Variants in RIMS1 observed in about 807,000 individuals in gnomAD.
RIMS1 encodes regulating synaptic membrane exocytosis 1, also known as regulating synaptic membrane exocytosis protein 1.
A neutral mutation model predicts 214.1 loss-of-function variants in RIMS1; 83 were observed. That is an observed-to-expected ratio of 0.39 (90% CI 0.32 to 0.47). RIMS1 has a LOEUF of 0.47. RIMS1 is among the 20% of genes least tolerant of loss of function. RIMS1 has a pLI of 0.99. For missense variants in RIMS1, 2,050 were observed against 2,161.8 expected, an observed-to-expected ratio of 0.95 and a Z score of 1.03; for synonymous variants, 793 against 786.8, an observed-to-expected ratio of 1.01 and a Z score of -0.13.
rs150497721 is a variant in RIMS1, at chr6:72,311,213, T to C, written c.3964-2293T>C. ...TGGGCAAGGTATCATCCCAATACATTTGGAGACAATAATTACATAGCATCT... is the reference window on the plus strand; with the variant it reads ...TGGGCAAGGTATCATCCCAATACATCTGGAGACAATAATTACATAGCATCT... On this transcript the variant is annotated intron_variant, in intron 27 of 33. Transcript: ENST00000521978. 1.1e-3 allele frequency among the ~76,000 whole-genome samples: 169 copies of C among 152,274 alleles called. 1 individual carries two copies. Among genetic ancestry groups the C allele is most frequent in the African/African-American group, 3.7e-3 (154 of 41,554 alleles).
At chr6:72,200,642 G>A (rs956314633) in intron 6 of RIMS1, among the ~76,000 whole-genome samples, 7 of 152,136 alleles carry the variant, frequency 4.6e-5, no homozygotes, top group Admixed American at 3.3e-4. Context: ...AAACAGAAGA[G>A]AGACTACTGT....
In RIMS1 at chr6:72,314,735, T is replaced by C. The variant is rs146615988; in HGVS notation, c.4130+1063T>C. On this transcript the variant is annotated intron_variant, in intron 28 of 33. Coordinates refer to ENST00000521978, the MANE Select transcript of RIMS1 (RefSeq NM_014989.7). ...AGCTAAGATCAAGGGGTAAGAAGTATTCTTATAGATTCCTTTTTATTGAAT... is the reference window on the plus strand; with the variant it reads ...AGCTAAGATCAAGGGGTAAGAAGTACTCTTATAGATTCCTTTTTATTGAAT... 4.0e-3 allele frequency among the ~76,000 whole-genome samples: 610 copies of C among 152,268 alleles called. 6 individuals carry two copies. The highest frequency in any genetic ancestry group is 0.014 in the African/African-American group (571 of 41,578).
At chr6:72,069,542 A>G (rs928623679) in intron 2 of RIMS1, among the ~76,000 whole-genome samples, 1 of 152,234 alleles carries the variant, frequency 6.6e-6, no homozygotes, top group Admixed American at 6.5e-5. Context: ...TTAAAAACTG[A>G]TGCATTTGTT....
At chr6:71,956,718 A>G (rs2151198549) in intron 1 of RIMS1, among the ~76,000 whole-genome samples, 1 of 152,274 alleles carries the variant, frequency 6.6e-6, no homozygotes, top group South Asian at 2.1e-4. Flanking sequence ...ATGACCGACT[A>G]TGATAACGTG....
chr6:71,943,056 T>C (rs1352807745), intron 1 of RIMS1, among the ~76,000 whole-genome samples: 1 of 152,154 alleles, frequency 6.6e-6, no homozygotes, highest in African/African-American at 2.4e-5. Flanking sequence ...TCCAGTTTAT[T>C]TGAATATGTT....
Position 72,016,480 on chromosome 6 carries a change from G to A in RIMS1, c.245+47417G>A, listed in dbSNP as rs142808411. ...TGGTTTTGAAGGCTGTTGTAGATAG[G>A]AAGAAAGGAATGGAATAAGTGAAAG... On this transcript the variant is annotated intron_variant, in intron 2 of 33. Coordinates refer to ENST00000521978, the MANE Select transcript of RIMS1 (RefSeq NM_014989.7). Among the ~76,000 whole-genome samples the A allele has an allele frequency of 6.4e-3, 973 of 152,258 alleles. 9 individuals are homozygous for A. The highest frequency in any genetic ancestry group is 0.022 in the Admixed American group (341 of 15,288).
At chr6:72,377,912 G>T (rs906771025) in intron 29 of RIMS1, among the ~76,000 whole-genome samples, 3 of 152,016 alleles carry the variant, frequency 2.0e-5, no homozygotes, top group African/African-American at 7.3e-5. Flanking sequence ...CTCAGTAATG[G>T]TCGTGTAAGT....
At chr6:72,129,066 T>G (rs1404732836) in intron 4 of RIMS1, among the ~76,000 whole-genome samples, 1 of 152,186 alleles carries the variant, frequency 6.6e-6, no homozygotes, top group African/African-American at 2.4e-5. Context: ...CATTTTAAAT[T>G]GTTTCCTTCA....
In RIMS1 at chr6:71,891,583, G is replaced by A. The variant is rs533403760; in HGVS notation, c.164+4396G>A. On this transcript the variant is annotated intron_variant, in intron 1 of 33. Coordinates refer to ENST00000521978, the MANE Select transcript of RIMS1 (RefSeq NM_014989.7). ...TCCCAGTTACCAACTGGGAAAAGAA[G>A]AAAAGTGGAAGGAAAATCTGGGGAA... 3.3e-5 allele frequency among the ~76,000 whole-genome samples: 5 copies of A among 152,286 alleles called. No homozygotes were observed. The South Asian group carries it at 1.0e-3, about 32-fold the overall frequency.
chr6:72,168,939 G>A (rs1223261971), intron 4 of RIMS1, among the ~76,000 whole-genome samples: 1 of 151,858 alleles, frequency 6.6e-6, no homozygotes, highest in Non-Finnish European at 1.5e-5. Flanking sequence ...CAATATATTG[G>A]GTTACTCTGC....
At chr6:72,065,850 A>G (rs1829154902) in intron 2 of RIMS1, among the ~76,000 whole-genome samples, 1 of 152,136 alleles carries the variant, frequency 6.6e-6, no homozygotes, top group African/African-American at 2.4e-5. Context: ...CTATATTTAT[A>G]AAAGTTGAGA....
At chr6:72,032,672 G>T (rs1274747253) in intron 2 of RIMS1, among the ~76,000 whole-genome samples, 1 of 152,138 alleles carries the variant, frequency 6.6e-6, no homozygotes, top group African/African-American at 2.4e-5. Flanking sequence ...AATTCACAAT[G>T]GGAAGCAGAC....
At chr6:72,058,264 C>T (rs1170627987) in intron 2 of RIMS1, among the ~76,000 whole-genome samples, 2 of 152,248 alleles carry the variant, frequency 1.3e-5, no homozygotes, top group African/African-American at 4.8e-5. Flanking sequence ...AACTCTCAGA[C>T]TAGCCTCAGA....
chr6:72,223,975 G>A (rs111385858), intron 6 of RIMS1, among the ~76,000 whole-genome samples: 3,398 of 147,992 alleles, frequency 0.023, 116 homozygotes, highest in African/African-American at 0.079. Flanking sequence ...AGCCAGTTGC[G>A]TAAGTGCACA....
At chr6:71,953,280 C>T (rs997044333) in intron 1 of RIMS1, among the ~76,000 whole-genome samples, 3 of 152,138 alleles carry the variant, frequency 2.0e-5, no homozygotes, top group Admixed American at 6.6e-5. Context: ...TGAGCCACCT[C>T]GCCCGGTCAA....
intron 1 of RIMS1, among the ~76,000 whole-genome samples, chr6:71,903,655 G>A (rs948367093): frequency 5.9e-5 from 9 of 151,778 alleles, no homozygotes; most frequent in African/African-American, 1.5e-4. Flanking sequence ...ACAAATTTAC[G>A]GGAAAAAAAC....
intron 1 of RIMS1, among the ~76,000 whole-genome samples, chr6:71,953,341 C>T (rs1476033322): frequency 6.6e-6 from 1 of 152,094 alleles, no homozygotes; most frequent in African/African-American, 2.4e-5. Flanking sequence ...TCCCATTGTC[C>T]AAGGCAAGTC....
At chr6:72,100,995 T>G (rs1281635015) in intron 4 of RIMS1, among the ~76,000 whole-genome samples, 4 of 151,982 alleles carry the variant, frequency 2.6e-5, no homozygotes, top group Non-Finnish European at 4.4e-5. Flanking sequence ...TGACTGTATG[T>G]GGGATAATTT....
intron 4 of RIMS1, among the ~76,000 whole-genome samples, chr6:72,142,294 T>TC (rs551925399): frequency 1.3e-5 from 2 of 151,838 alleles, no homozygotes; most frequent in Non-Finnish European, 2.9e-5. Context: ...AGATGGTGAT[T>TC]CCCCCCCTAC....
Sources: gnomAD v4.1 joint callset for allele counts (sites outside exome capture counted in the v4.1 genomes callset) on GRCh38, gnomAD v4.1.1 for gene constraint, MANE v1.5 for transcripts, NCBI Gene and HGNC (gene_info 2026-07-23, HGNC 2026-07-21) for gene names.